Variants in KHDRBS2 observed in about 807,000 individuals in gnomAD.
The protein encoded by KHDRBS2 is KH domain-containing, RNA-binding, signal transduction-associated protein 2.
KHDRBS2 carries 26 observed loss-of-function variants against 44.3 expected under a neutral mutation model. That is an observed-to-expected ratio of 0.59 (90% CI 0.43 to 0.81). KHDRBS2 has a LOEUF of 0.81. Among genes scored for constraint, KHDRBS2 ranks in the 40% least tolerant of loss-of-function variants. The probability of loss-of-function intolerance (pLI) is 0.00; values close to 1 mark genes in which losing one functional copy is unlikely to be tolerated. For missense variants in KHDRBS2, 476 were observed against 433.1 expected (o/e 1.10, Z -0.88); for synonymous variants, 194 against 151.1 (o/e 1.28, Z -2.08).
At chr6:61,731,407 T>C (rs1774427367) in intron 7 of KHDRBS2, among the ~76,000 whole-genome samples, 2 of 152,106 alleles carry the variant, frequency 1.3e-5, no homozygotes, top group Admixed American at 1.3e-4. Context: ...TCTACAGTGA[T>C]AACTTAAATC....
the KHDRBS2 span, among the ~76,000 whole-genome samples, chr6:61,613,056 A>G: frequency 1.4e-4 from 22 of 151,898 alleles, no homozygotes; most frequent in South Asian, 4.2e-3. Context: ...GTTTCACCAT[A>G]TTAGCCATGA....
chr6:62,152,352 T>C (rs1484101039), intron 2 of KHDRBS2, among the ~76,000 whole-genome samples: 2 of 151,994 alleles, frequency 1.3e-5, no homozygotes, highest in Non-Finnish European at 2.9e-5. Flanking sequence ...AAAAAATACT[T>C]ACCACATGGG....
intron 7 of KHDRBS2, among the ~76,000 whole-genome samples, chr6:61,716,571 C>G (rs749132179): frequency 4.6e-5 from 7 of 151,718 alleles, no homozygotes; most frequent in African/African-American, 7.3e-5. Context: ...TTAAAAAAAC[C>G]TAGGCTACAT....
the KHDRBS2 span, among the ~76,000 whole-genome samples, chr6:61,598,837 CTT>C: frequency 0.07 from 4,576 of 65,278 alleles, 41 homozygotes; most frequent in East Asian, 0.12. Flanking sequence ...TTTTTCTTTT[CTT>C]TTTTTTTTTT....
chr6:62,164,269 GTAT>G (rs1159447423), intron 2 of KHDRBS2, among the ~76,000 whole-genome samples: 1 of 151,854 alleles, frequency 6.6e-6, no homozygotes, highest in Non-Finnish European at 1.5e-5. Flanking sequence ...GGGAAGGATA[GTAT>G]TATTAGAATT....
chr6:61,888,364 G>A (rs1801282938), intron 6 of KHDRBS2, among the ~76,000 whole-genome samples: 1 of 152,198 alleles, frequency 6.6e-6, no homozygotes, highest in Non-Finnish European at 1.5e-5. Context: ...ACAGAACTGA[G>A]AGGCTAGTAT....
chr6:61,602,227 C>T, the KHDRBS2 span, among the ~76,000 whole-genome samples: 1 of 152,260 alleles, frequency 6.6e-6, no homozygotes, highest in East Asian at 1.9e-4. Flanking sequence ...TAGAGGCACC[C>T]AAGTAGCAAT....
chr6:61,926,820 G>GAAACGA (rs70993186), intron 4 of KHDRBS2, among the ~76,000 whole-genome samples: 62,804 of 151,070 alleles, frequency 0.42, 13,119 homozygotes, highest in Admixed American at 0.49. Flanking sequence ...ATATCACCCA[G>GAAACGA]AAACTTCAAA....
intron 6 of KHDRBS2, among the ~76,000 whole-genome samples, chr6:61,847,505 T>A (rs1332596146): frequency 6.6e-6 from 1 of 152,108 alleles, no homozygotes; most frequent in Non-Finnish European, 1.5e-5. Flanking sequence ...TCAATTACCA[T>A]GTAAAGTTAG....
the KHDRBS2 span, among the ~76,000 whole-genome samples, chr6:61,600,352 G>C: frequency 2.6e-5 from 4 of 152,088 alleles, no homozygotes; most frequent in Non-Finnish European, 4.4e-5. Context: ...GCCAGTCCCT[G>C]CCTTAAGTGA....
At chr6:61,865,594 G>A (rs1020116581) in intron 6 of KHDRBS2, among the ~76,000 whole-genome samples, 2 of 151,892 alleles carry the variant, frequency 1.3e-5, no homozygotes, top group Non-Finnish European at 2.9e-5. Flanking sequence ...ATCTGGGTGG[G>A]GACACAGCCA....
At chr6:61,569,827 C>A in the KHDRBS2 span, among the ~76,000 whole-genome samples, 1 of 152,152 alleles carries the variant, frequency 6.6e-6, no homozygotes, top group Non-Finnish European at 1.5e-5. Flanking sequence ...AGAACAATAA[C>A]AATCATTGTA....
At chr6:61,603,172 A>T in the KHDRBS2 span, among the ~76,000 whole-genome samples, 2 of 152,076 alleles carry the variant, frequency 1.3e-5, no homozygotes, top group Admixed American at 6.5e-5. Flanking sequence ...TAAAGCCTAT[A>T]AACTCTCCTT....
chr6:61,905,551 G>A (rs988860778), intron 4 of KHDRBS2, among the ~76,000 whole-genome samples: 3 of 152,090 alleles, frequency 2.0e-5, no homozygotes, highest in Non-Finnish European at 2.9e-5. Context: ...ATTCAGATCT[G>A]GGTTAAAGGA....
intron 1 of KHDRBS2, among the ~76,000 whole-genome samples, chr6:62,182,438 G>T (rs148717018): frequency 6.6e-5 from 10 of 152,060 alleles, no homozygotes; most frequent in East Asian, 5.8e-4. Context: ...TTAAAAATTT[G>T]CTAAGAGGGT....
intron 2 of KHDRBS2, among the ~76,000 whole-genome samples, chr6:62,141,529 C>T (rs1390221721): frequency 6.6e-6 from 1 of 152,048 alleles, no homozygotes; most frequent in South Asian, 2.1e-4. Flanking sequence ...CAGATGATTT[C>T]TAATTTTTCA....
intron 4 of KHDRBS2, among the ~76,000 whole-genome samples, chr6:61,919,015 G>A (rs1807536584): frequency 6.6e-6 from 1 of 151,888 alleles, no homozygotes; most frequent in Non-Finnish European, 1.5e-5. Flanking sequence ...TCTAAATAGA[G>A]TTAAATAAAA....
At chr6:61,708,078 C>T (rs1218286763) in intron 7 of KHDRBS2, among the ~76,000 whole-genome samples, 1 of 151,444 alleles carries the variant, frequency 6.6e-6, no homozygotes, top group African/African-American at 2.4e-5. Context: ...TAGAAATTGG[C>T]CTTTAATCTG....
chr6:61,678,579 A>C (rs529744463), downstream of KHDRBS2, among the ~76,000 whole-genome samples: 1 of 151,928 alleles, frequency 6.6e-6, no homozygotes, highest in Non-Finnish European at 1.5e-5. Flanking sequence ...CTTTCTTTGT[A>C]AAACTAAGGA....
Sources: allele counts gnomAD v4.1 joint callset (sites outside exome capture counted in the v4.1 genomes callset), GRCh38; gene constraint gnomAD v4.1.1; transcripts MANE v1.5; gene names NCBI Gene and HGNC (gene_info 2026-07-23, HGNC 2026-07-21).